The following SUSD6 variants were observed in gnomAD, a reference collection of about 807,000 sequenced individuals.
SUSD6 encodes the protein sushi domain-containing protein 6.
In SUSD6, 16 loss-of-function variants were observed where a neutral mutation model predicts 28.4. That is an observed-to-expected ratio of 0.56 (90% CI 0.38 to 0.86). The LOEUF (loss-of-function observed/expected upper bound fraction) is 0.86, where lower values mean the gene tolerates loss of function less well. Among genes scored for constraint, SUSD6 ranks in the 40% least tolerant of loss-of-function variants. The probability of loss-of-function intolerance (pLI) is 0.00; values close to 1 mark genes in which losing one functional copy is unlikely to be tolerated. For missense variants in SUSD6, 341 were observed against 384.2 expected (o/e 0.89, Z 0.94); for synonymous variants, 147 against 159.6 (o/e 0.92, Z 0.59).
Position 69,658,621 on chromosome 14 carries a change from G to A in SUSD6, c.29G>A (p.Ser10Asn). The A allele has an allele frequency of 6.2e-7, 1 of 1,614,146 alleles. No homozygotes were observed. The highest frequency in any genetic ancestry group is 8.5e-7 in the Non-Finnish European group (1 of 1,179,988). MCHGRIAPK[S>N]TSVFAVASVG... ...TGCCATGGCAGGATAGCACCAAAGA[G>A]CACCTCAGTGTTTGCCGTGGCCTCC... is the stretch of plus-strand genomic sequence containing the variant. The change falls in exon 2 of 6, where the codon AGC (serine) becomes AAC (asparagine). Residue 10 changes from serine (S) to asparagine (N), a missense_variant. Ser to Asn is a conservative substitution (Grantham distance 46). Transcript: ENST00000342745.
chr14:69,669,901 A>G (rs943738510), intron 2 of SUSD6, among the ~76,000 whole-genome samples: 7 of 152,078 alleles, frequency 4.6e-5, no homozygotes, highest in African/African-American at 9.7e-5. Context: ...CAGGATTCCA[A>G]CTCTTAGAAT....
Position 69,644,434 on chromosome 14 carries a change from G to A in SUSD6, c.-80-14079G>A, listed in dbSNP as rs541035740. Reference sequence around the variant, plus strand: ...TGGTAGGCTGAGGCTGGCGGATCACGAGGTCAAGAGATCGAGACCATCCTG... The same window carrying A: ...TGGTAGGCTGAGGCTGGCGGATCACAAGGTCAAGAGATCGAGACCATCCTG... On this transcript the variant is annotated intron_variant, in intron 1 of 5. Transcript: ENST00000342745. Among the ~76,000 whole-genome samples the A allele has an allele frequency of 7.2e-5, 11 of 152,194 alleles. No homozygotes were observed. In the South Asian group the frequency reaches 1.9e-3, roughly 26 times the overall value.
Position 69,634,516 on chromosome 14 carries a change from T to C in SUSD6, c.-81+22688T>C, listed in dbSNP as rs527641776. Among the ~76,000 whole-genome samples, 5 of 152,346 alleles carry C rather than the reference T, an allele frequency of 3.3e-5. No individual in the cohort carries two copies. The South Asian group carries it at 1.0e-3, about 32-fold the overall frequency. On this transcript the variant is annotated intron_variant, in intron 1 of 5. Transcript: ENST00000342745. ...TTAAGCATCATGCTAACTTTTCCCCTCCATCTCCCTTTCATTTCTTAGATC... is the reference window on the plus strand; with the variant it reads ...TTAAGCATCATGCTAACTTTTCCCCCCCATCTCCCTTTCATTTCTTAGATC...
At chr14:69,681,457 C>A (rs528869130) in intron 2 of SUSD6, among the ~76,000 whole-genome samples, 3 of 152,120 alleles carry the variant, frequency 2.0e-5, no homozygotes, top group Non-Finnish European at 4.4e-5. Context: ...AGCAGAAATC[C>A]ACATGGATGT....
At position 69,708,952 on chromosome 14, in the gene SUSD6, G is replaced by A. The variant is rs765876481; in HGVS notation, c.734G>A (p.Arg245Gln). 8.1e-6 allele frequency: 13 copies of A among 1,614,014 alleles called. No homozygotes were observed. Among genetic ancestry groups the A allele is most frequent in the Middle Eastern group, 1.6e-4 (1 of 6,084 alleles). ...GGACTATGTGAAGCCTGGGGCTCTC[G>A]GGCCTCAGAGACTGTGATGGTGCAT... ...QSGLCEAWGS[R>Q]ASETVMVHQA... The change falls in exon 5 of 6, where the codon CGG (arginine) becomes CAG (glutamine). Residue 245 changes from arginine to glutamine, a missense_variant. Physicochemically the swap from Arg to Gln is conservative, Grantham distance 43. Coordinates refer to ENST00000342745, the MANE Select transcript of SUSD6 (RefSeq NM_014734.4).
chr14:69,619,933 C>G (rs1885013285), intron 1 of SUSD6, among the ~76,000 whole-genome samples: 1 of 152,208 alleles, frequency 6.6e-6, no homozygotes, highest in African/African-American at 2.4e-5. Flanking sequence ...AGCTACCCAC[C>G]TAAATGCAGC....
intron 5 of SUSD6, 76 bp from the exon 6 acceptor site, chr14:69,710,878 A>G: frequency 7.2e-7 from 1 of 1,380,262 alleles, no homozygotes; most frequent in South Asian, 1.2e-5. Flanking sequence ...ATAGCCCCTA[A>G]GTTGCAGTGG....
intron 2 of SUSD6, among the ~76,000 whole-genome samples, chr14:69,686,275 T>G (rs1886071945): frequency 6.6e-6 from 1 of 152,206 alleles, no homozygotes; most frequent in Admixed American, 6.5e-5. Flanking sequence ...CAAGATTGTC[T>G]CTAAAAGGCA....
chr14:69,639,740 T>A (rs1885321172), intron 1 of SUSD6, among the ~76,000 whole-genome samples: 1 of 152,150 alleles, frequency 6.6e-6, no homozygotes, highest in Admixed American at 6.6e-5. Context: ...TTCTTTGTTG[T>A]ATGGGGTTGT....
chr14:69,672,680 C>T (rs2139624186), intron 2 of SUSD6, among the ~76,000 whole-genome samples: 1 of 152,348 alleles, frequency 6.6e-6, no homozygotes, highest in South Asian at 2.1e-4. Context: ...GTGTATTCTT[C>T]AGGTCTCATG....
In SUSD6 at chr14:69,711,270, G is replaced by C. The variant is rs921139133; in HGVS notation, c.*291G>C. The C allele has an allele frequency of 1.3e-5, 6 of 468,520 alleles. No homozygotes were observed. The highest frequency in any genetic ancestry group is 2.3e-5 in the Non-Finnish European group (6 of 259,374). The allele number at this position is 468,520 out of a possible 1,614,324, so 29.0% of individuals were successfully genotyped here. ...TGGATCAAACCCTCCCTTTTCCTAA[G>C]CCTCTGGGTCCCCTCCAGCCAGCTC... On this transcript the variant is annotated 3_prime_UTR_variant, in exon 6 of 6. Coordinates refer to ENST00000342745, the MANE Select transcript of SUSD6 (RefSeq NM_014734.4).
chr14:69,676,764 A>G (rs897349395), intron 2 of SUSD6, among the ~76,000 whole-genome samples: 14 of 152,210 alleles, frequency 9.2e-5, no homozygotes, highest in Non-Finnish European at 4.4e-5. Flanking sequence ...AGATCTCTGT[A>G]CAGCCCAGCA....
At chr14:69,620,738 G>A (rs564672536) in intron 1 of SUSD6, among the ~76,000 whole-genome samples, 43 of 152,304 alleles carry the variant, frequency 2.8e-4, no homozygotes, top group African/African-American at 1.0e-3. Flanking sequence ...TAACAGTTTG[G>A]TGTGCTTTGA....
intron 2 of SUSD6, among the ~76,000 whole-genome samples, chr14:69,686,017 C>T (rs185773936): frequency 6.6e-6 from 1 of 152,312 alleles, no homozygotes; most frequent in East Asian, 1.9e-4. Flanking sequence ...CTTGCATTAT[C>T]AGACCTTGAT....
intron 1 of SUSD6, among the ~76,000 whole-genome samples, chr14:69,640,614 G>T (rs1885338340): frequency 6.6e-6 from 1 of 152,172 alleles, no homozygotes; most frequent in African/African-American, 2.4e-5. Context: ...TGGGATTACA[G>T]GCATGAGCCA....
intron 1 of SUSD6, among the ~76,000 whole-genome samples, chr14:69,626,864 G>A (rs989158809): frequency 2.0e-5 from 3 of 149,572 alleles, no homozygotes; most frequent in African/African-American, 2.5e-5. Flanking sequence ...AAAAAAAAAC[G>A]TGTTTTTTTT....
intron 3 of SUSD6, among the ~76,000 whole-genome samples, chr14:69,704,049 A>G (rs971064563): frequency 3.3e-5 from 5 of 152,204 alleles, no homozygotes; most frequent in East Asian, 1.9e-4. Context: ...AAAGTGTGTC[A>G]TATAACCATC....
At chr14:69,647,999 A>G (rs1051749819) in intron 1 of SUSD6, among the ~76,000 whole-genome samples, 2 of 152,120 alleles carry the variant, frequency 1.3e-5, no homozygotes, top group African/African-American at 4.8e-5. Context: ...ATAAAGAATC[A>G]GGATATCAGG....
chr14:69,708,827 G>A lies in SUSD6; in HGVS notation c.609G>A (p.Gly203=). ...DPRVQIVLSE[G]SGPSGRSVPR... is the part of the protein sequence containing the mutation. ...GAGTACAGATTGTGCTGTCAGAAGG[G>A]TCTGGGCCCAGTGGGAGGAGCGTGC... is the stretch of plus-strand genomic sequence containing the variant. Residue 203 remains glycine, a synonymous_variant, in exon 5 of 6, where the codon GGG becomes GGA. Transcript: ENST00000342745. 6.2e-7 allele frequency: 1 copy of A among 1,614,186 alleles called. No individual in the cohort carries two copies. The highest frequency in any genetic ancestry group is 8.5e-7 in the Non-Finnish European group (1 of 1,180,036).
Sources: allele counts gnomAD v4.1 joint callset (sites outside exome capture counted in the v4.1 genomes callset), GRCh38; gene constraint gnomAD v4.1.1; transcripts MANE v1.5; gene names NCBI Gene and HGNC (gene_info 2026-07-23, HGNC 2026-07-21).